Variants in CUX1 observed in about 807,000 individuals in gnomAD.
The protein encoded by CUX1 is protein CASP.
CUX1 carries 31 observed loss-of-function variants against 158.8 expected under a neutral mutation model. The observed-to-expected ratio is 0.20, with a 90% CI of 0.15 to 0.26. CUX1 has a LOEUF of 0.26. Among genes scored for constraint, CUX1 ranks in the 10% least tolerant of loss-of-function variants. The pLI, the probability that CUX1 is intolerant of heterozygous loss-of-function variation, is 1.00. For synonymous variants in CUX1, 879 were observed against 862.1 expected, an observed-to-expected ratio of 1.02 and a Z score of -0.34; for missense variants, 1,589 against 2,014.6, an observed-to-expected ratio of 0.79 and a Z score of 4.04.
chr7:101,874,117 C>T (rs2131489080), intron 1 of CUX1, among the ~76,000 whole-genome samples: 1 of 152,318 alleles, frequency 6.6e-6, no homozygotes, highest in East Asian at 1.9e-4. Flanking sequence ...TTCATATTGC[C>T]TGTGAAACAA....
intron 4 of CUX1, among the ~76,000 whole-genome samples, chr7:102,093,894 T>C (rs1371966737): frequency 6.6e-6 from 1 of 152,196 alleles, no homozygotes; most frequent in Admixed American, 6.5e-5. Flanking sequence ...TGTGTGTTCC[T>C]GTTTTATATA....
chr7:101,945,515 T>C (rs1056104369), intron 2 of CUX1, among the ~76,000 whole-genome samples: 1 of 152,234 alleles, frequency 6.6e-6, no homozygotes, highest in East Asian at 1.9e-4. Flanking sequence ...GTTCTCATTA[T>C]GCTGGGCACG....
rs1047484756 is a variant in CUX1 at position 102,255,239 on chromosome 7, A to G, written c.*6197A>G. 2.5e-5 allele frequency: 25 copies of G among 985,394 alleles called. No homozygotes were observed. Among genetic ancestry groups the G allele is most frequent in the Non-Finnish European group, 2.5e-5 (21 of 829,898 alleles). The allele number at this position is 985,394 out of a possible 1,614,324, so 61.0% of individuals were successfully genotyped here. ...TCCCACCACCACCTTCCCTCCAAAGATAACCGTGTCCATGCCATCCGTGGC... is the reference window on the plus strand; with the variant it reads ...TCCCACCACCACCTTCCCTCCAAAGGTAACCGTGTCCATGCCATCCGTGGC... On this transcript the variant is annotated 3_prime_UTR_variant, in exon 24 of 24. Transcript: ENST00000292535.
chr7:102,259,756 AAGAAAG>A (rs781908553), downstream of CUX1, among the ~76,000 whole-genome samples: 3 of 22,580 alleles, frequency 1.3e-4, no homozygotes, highest in South Asian at 2.3e-3. Flanking sequence ...AAAAAAAAAA[AAGAAAG>A]AAAAGAGAAA....
chr7:102,031,086 T>G (rs1820736636), intron 3 of CUX1, among the ~76,000 whole-genome samples: 1 of 152,158 alleles, frequency 6.6e-6, no homozygotes, highest in Non-Finnish European at 1.5e-5. Context: ...CTAGACAGGG[T>G]CTTGCTCTGT....
intron 2 of CUX1, among the ~76,000 whole-genome samples, chr7:101,974,074 CTT>C (rs1416244437): frequency 7.2e-5 from 10 of 139,838 alleles, no homozygotes; most frequent in Non-Finnish European, 7.8e-5. Context: ...GGCCCAGATT[CTT>C]TTTTTTTTTT....
chr7:101,857,754 A>T (rs6465835), intron 1 of CUX1, among the ~76,000 whole-genome samples: 56,449 of 151,752 alleles, frequency 0.37, 11,695 homozygotes, highest in African/African-American at 0.55. Flanking sequence ...GTTTCGTTTT[A>T]TTTTGCAGGG....
At chr7:102,276,542 T>C (rs1372473255) in intron 17 of CUX1, among the ~76,000 whole-genome samples, 1 of 152,232 alleles carries the variant, frequency 6.6e-6, no homozygotes, top group Non-Finnish European at 1.5e-5. Context: ...CCTCAGGTGA[T>C]CTGCCCACCT....
At chr7:101,932,673 A>G (rs907382386) in intron 2 of CUX1, 1 of 441,576 alleles carries the variant, frequency 2.3e-6, no homozygotes, top group Non-Finnish European at 4.6e-6. Context: ...GTATATTTTC[A>G]TTTATTTTGT....
Position 102,249,309 on chromosome 7 carries a change from C to T in CUX1, c.*267C>T, listed in dbSNP as rs1801223708. ...ACCAACCCCGCGGCCCAGACCCAGCCCGCGGCCTGGACCCCTGGACCGCTT... is the reference window on the plus strand; with the variant it reads ...ACCAACCCCGCGGCCCAGACCCAGCTCGCGGCCTGGACCCCTGGACCGCTT... On this transcript the variant is annotated 3_prime_UTR_variant, in exon 24 of 24. Transcript: ENST00000292535. 1.9e-6 allele frequency: 2 copies of T among 1,030,696 alleles called. No homozygotes were observed. The highest frequency in any genetic ancestry group is 1.2e-6 in the Non-Finnish European group (1 of 858,816). The allele number at this position is 1,030,696 out of a possible 1,614,324, so 63.8% of individuals were successfully genotyped here. A position where few individuals can be genotyped will look rare whatever the true frequency, so the allele number is the denominator to read the frequency against.
intron 1 of CUX1, among the ~76,000 whole-genome samples, chr7:101,910,628 T>C (rs947108833): frequency 4.5e-4 from 68 of 152,074 alleles, no homozygotes; most frequent in African/African-American, 1.6e-3. Context: ...TAGTGGCTCA[T>C]GCCTGTAATC....
At chr7:101,903,832 CA>C (rs553857927) in intron 1 of CUX1, among the ~76,000 whole-genome samples, 1 of 151,940 alleles carries the variant, frequency 6.6e-6, no homozygotes, top group African/African-American at 2.4e-5. Flanking sequence ...GGGTGAAAAA[CA>C]AAAAAACAAA....
intron 2 of CUX1, among the ~76,000 whole-genome samples, chr7:101,952,688 G>A (rs1231144954): frequency 6.6e-6 from 1 of 152,152 alleles, no homozygotes; most frequent in Non-Finnish European, 1.5e-5. Flanking sequence ...GCACAAATGT[G>A]GTCCTGTGTG....
intron 23 of CUX1, among the ~76,000 whole-genome samples, chr7:102,239,881 G>A (rs782482539): frequency 6.6e-6 from 1 of 152,148 alleles, no homozygotes; most frequent in Non-Finnish European, 1.5e-5. Context: ...CAAGTAGCTG[G>A]GATTACAGGC....
intron 3 of CUX1, among the ~76,000 whole-genome samples, chr7:102,038,132 G>A (rs146049511): frequency 2.6e-4 from 39 of 151,936 alleles, no homozygotes; most frequent in African/African-American, 6.8e-4. Context: ...AAGGTTTGCC[G>A]TTCTCAATAC....
chr7:102,209,458 C>T (rs1796312875), intron 20 of CUX1, among the ~76,000 whole-genome samples: 1 of 146,550 alleles, frequency 6.8e-6, no homozygotes, highest in Non-Finnish European at 1.5e-5. Flanking sequence ...CGGTAGGTTC[C>T]ATGCCAGTCA....
Position 102,253,474 on chromosome 7 carries a change from G to A in CUX1, c.*4432G>A, listed in dbSNP as rs111437027. On this transcript the variant is annotated 3_prime_UTR_variant, in exon 24 of 24. Coordinates refer to ENST00000292535, the MANE Select transcript of CUX1 (RefSeq NM_181552.4). ...GTGCCTTCCCGACTAAGGTTGGACTGGATGACTTTGTTCCTCCTGCATGCA... is the reference window on the plus strand; with the variant it reads ...GTGCCTTCCCGACTAAGGTTGGACTAGATGACTTTGTTCCTCCTGCATGCA... The A allele has an allele frequency of 6.1e-6, 6 of 985,370 alleles. No homozygotes were observed. The highest frequency in any genetic ancestry group is 9.4e-5 in the South Asian group (2 of 21,290). The allele number at this position is 985,370 out of a possible 1,614,324, so 61.0% of individuals were successfully genotyped here.
intron 8 of CUX1, among the ~76,000 whole-genome samples, chr7:102,157,172 G>T (rs1481737529): frequency 6.6e-6 from 1 of 152,108 alleles, no homozygotes; most frequent in Non-Finnish European, 1.5e-5. Context: ...AGGAGCCTTG[G>T]CATGGAAGGG....
At chr7:102,126,000 C>T (rs1368633736) in intron 8 of CUX1, among the ~76,000 whole-genome samples, 3 of 151,574 alleles carry the variant, frequency 2.0e-5, no homozygotes, top group Non-Finnish European at 4.4e-5. Context: ...ACATTATTTT[C>T]CCTTTTTTAT....
Sources: gnomAD v4.1 joint callset for allele counts (sites outside exome capture counted in the v4.1 genomes callset) on GRCh38, gnomAD v4.1.1 for gene constraint, MANE v1.5 for transcripts, NCBI Gene and HGNC (gene_info 2026-07-23, HGNC 2026-07-21) for gene names.